PRRC2C: variants seen among roughly 807,000 people sequenced by gnomAD.
PRRC2C encodes proline rich coiled-coil 2C.
PRRC2C carries 72 observed loss-of-function variants against 317.2 expected under a neutral mutation model. That is an observed-to-expected ratio of 0.23 (90% CI 0.19 to 0.28). The LOEUF is 0.28. PRRC2C is among the 10% of genes least tolerant of loss of function. The pLI, the probability that PRRC2C is intolerant of heterozygous loss-of-function variation, is 1.00. For synonymous variants in PRRC2C, 1,296 were observed against 1,205.9 expected (o/e 1.07, Z -1.55); for missense variants, 3,074 against 3,459.7 (o/e 0.89, Z 2.80).
In PRRC2C at chr1:171,541,108, G is replaced by T. The variant is rs1677862413; in HGVS notation, c.3642G>T (p.Arg1214Ser). The T allele has an allele frequency of 1.9e-6, 3 of 1,613,784 alleles. No individual in the cohort carries two copies. Among genetic ancestry groups the T allele is most frequent in the Non-Finnish European group, 2.5e-6 (3 of 1,179,856 alleles). Reference sequence around the variant, plus strand: ...ATGGAGGGCGTGGCAGGGGTGGTAGGGGACACACTCGAGATTATCCTCAGT... The same window carrying T: ...ATGGAGGGCGTGGCAGGGGTGGTAGTGGACACACTCGAGATTATCCTCAGT... ...GSYGGRGRGG[R>S]GHTRDYPQYR... Residue 1214 changes from arginine to serine, a missense_variant, in exon 16 of 35, where the codon AGG becomes AGT. Arg to Ser is a moderately radical substitution (Grantham distance 110). Around this residue, in one of 11 missense-constraint regions of PRRC2C, gnomAD observed 1,320 missense variants for 1,395.7 expected, o/e 0.95. Transcript: ENST00000647382. The surrounding 1 kb of genome is among the most constrained non-coding windows in gnomAD (Gnocchi z 4.1).
intron 25 of PRRC2C, 111 bp downstream of exon 25, chr1:171,575,239 C>T (rs1343252021): frequency 9.4e-7 from 1 of 1,062,944 alleles, no homozygotes; most frequent in South Asian, 1.7e-5. Context: ...ATTCAATCTT[C>T]CCACCTCAGC....
At chr1:171,545,017 A>G (rs534905943) in intron 16 of PRRC2C, among the ~76,000 whole-genome samples, 1 of 152,354 alleles carries the variant, frequency 6.6e-6, no homozygotes, top group African/African-American at 2.4e-5. Context: ...AAATAATTAT[A>G]TCAATGTGTA....
intron 18 of PRRC2C, among the ~76,000 whole-genome samples, chr1:171,556,346 G>A (rs1681400973): frequency 6.6e-6 from 1 of 152,202 alleles, no homozygotes; most frequent in African/African-American, 2.4e-5. Context: ...CCCTTGGCTA[G>A]GAAAGAGAAA....
At chr1:171,517,868 C>T (rs1232101317) in intron 6 of PRRC2C, 54 bp downstream of exon 6, 2 of 1,488,840 alleles carry the variant, frequency 1.3e-6, no homozygotes, top group Admixed American at 1.9e-5. Flanking sequence ...GATCTGGGGT[C>T]CAAGGAGCGA....
chr1:171,580,002 A>C, intron 28 of PRRC2C, 38 bp downstream of exon 28: 1 of 1,434,318 alleles, frequency 7.0e-7, no homozygotes, highest in South Asian at 1.7e-5. Flanking sequence ...ATGATGTTGA[A>C]AACATTGTAA....
At chr1:171,508,182 G>C (rs1401739819) in intron 1 of PRRC2C, among the ~76,000 whole-genome samples, 1 of 152,078 alleles carries the variant, frequency 6.6e-6, no homozygotes, top group Non-Finnish European at 1.5e-5. Context: ...GCACTGTGTT[G>C]AATAGAAATG....
chr1:171,486,066 C>G (rs1665997912), intron 1 of PRRC2C, among the ~76,000 whole-genome samples: 1 of 147,584 alleles, frequency 6.8e-6, no homozygotes, highest in African/African-American at 2.5e-5. Context: ...GCCGGGTAAG[C>G]GAAGGGGGTT....
Position 171,522,190 on chromosome 1 carries a change from A to C in PRRC2C, c.764A>C (p.Tyr255Ser). 6.3e-7 allele frequency: 1 copy of C among 1,583,968 alleles called. No homozygotes were observed. Among genetic ancestry groups the C allele is most frequent in the Non-Finnish European group, 8.6e-7 (1 of 1,158,226 alleles). ...TCCTTCATTCAGATGTTCCAACAGTATCCGAGGATGACATATCCTCCTCTA... is the reference window on the plus strand; with the variant it reads ...TCCTTCATTCAGATGTTCCAACAGTCTCCGAGGATGACATATCCTCCTCTA... ...AMMPPYMFQQ[Y>S]PRMTYPPLHG... The change falls in exon 7 of 35, where the codon TAT becomes TCT. Residue 255 changes from tyrosine to serine, a missense_variant. By Grantham distance (144) the Tyr-to-Ser change is moderately radical. Around this residue, in one of 11 missense-constraint regions of PRRC2C, gnomAD observed 237 missense variants for 199.5 expected, o/e 1.19. Transcript: ENST00000647382.
intron 18 of PRRC2C, 101 bp from the exon 19 acceptor site, chr1:171,557,139 A>G: frequency 1.4e-6 from 2 of 1,448,148 alleles, no homozygotes; most frequent in Non-Finnish European, 1.8e-6. Flanking sequence ...TATTTTGAAA[A>G]GTAAAGGAGC....
chr1:171,497,286 T>C (rs1284675605), intron 1 of PRRC2C, among the ~76,000 whole-genome samples: 1 of 152,204 alleles, frequency 6.6e-6, no homozygotes, highest in African/African-American at 2.4e-5. Context: ...ATTTTTTAAA[T>C]AATGAGATTA....
chr1:171,504,265 A>AT (rs890648142), intron 1 of PRRC2C, among the ~76,000 whole-genome samples: 1 of 152,168 alleles, frequency 6.6e-6, no homozygotes, highest in African/African-American at 2.4e-5. Context: ...AGTTCTCAAC[A>AT]TTATCTTTCA....
intron 12 of PRRC2C, 121 bp from the exon 13 acceptor site, chr1:171,535,307 T>C: frequency 1.3e-6 from 1 of 789,590 alleles, no homozygotes; most frequent in Non-Finnish European, 1.9e-6. Flanking sequence ...AATAATGTTT[T>C]AGAGTGTCGA....
chr1:171,529,040 T>G (rs1267347918), intron 11 of PRRC2C, among the ~76,000 whole-genome samples: 5 of 152,154 alleles, frequency 3.3e-5, no homozygotes, highest in Non-Finnish European at 7.4e-5. Flanking sequence ...AGATACCACC[T>G]TGACCTACCA....
chr1:171,514,258 G>A (rs1671911381), intron 3 of PRRC2C, among the ~76,000 whole-genome samples: 3 of 116,130 alleles, frequency 2.6e-5, no homozygotes, highest in Admixed American at 8.3e-5. Flanking sequence ...AAAAGTGTGT[G>A]TGTATGTGTG....
Position 171,523,224 on chromosome 1 carries a change from C to T in PRRC2C, c.837C>T (p.Gly279=). ...TCCATGACCTGCCTTTCATTAGAGG[C>T]CTTCGAGGAAGAGGCCCACCTCCTT... is the stretch of plus-strand genomic sequence containing the variant. The part of the protein sequence containing the change: ...FPPSLSETNK[G]LRGRGPPPSW... Residue 279 remains glycine (G), a synonymous_variant, in exon 8 of 35, where the codon GGC becomes GGT. Coordinates refer to ENST00000647382, the MANE Select transcript of PRRC2C (RefSeq NM_001387844.1). 1 of 1,609,116 alleles carries T rather than the reference C, an allele frequency of 6.2e-7. No individual in the cohort carries two copies. The highest frequency in any genetic ancestry group is 2.2e-5 in the East Asian group (1 of 44,828).
Position 171,557,256 on chromosome 1 carries a change from A to G in PRRC2C, c.5144A>G (p.Asn1715Ser). 1.9e-6 allele frequency: 3 copies of G among 1,547,134 alleles called. No individual in the cohort carries two copies. In the African/African-American group the frequency reaches 4.1e-5, roughly 21 times the overall value. The change falls in exon 19 of 35, where the codon AAT becomes AGT. Residue 1715 changes from asparagine (N) to serine (S), a missense_variant. Transcript: ENST00000647382. The stretch of plus-strand genomic sequence containing the variant: ...TTTTTTAAGGTCTGGAACAAAAAGA[A>G]TGCAAATGAAAAAGGAAGAAGCCAG... ...EQVIQVWNKK[N>S]ANEKGRSQTS...
chr1:171,584,483 C>G lies in PRRC2C; in HGVS notation c.7706C>G (p.Thr2569Arg), dbSNP rs775171604. Residue 2569 changes from threonine to arginine, a missense_variant, in exon 30 of 35, where the codon ACA becomes AGA. By Grantham distance (71) the Thr-to-Arg change is moderately conservative (BLOSUM62 -1). Transcript: ENST00000647382. The stretch of plus-strand genomic sequence containing the variant: ...GGACAAGTACAACAGCCTGGTCAGA[C>G]AAATTTTTATAACACTGCCCAGTCA... ...YSGQVQQPGQ[T>R]NFYNTAQSPS... The G allele has an allele frequency of 1.9e-6, 3 of 1,595,404 alleles. No homozygotes were observed. The highest frequency in any genetic ancestry group is 2.6e-6 in the Non-Finnish European group (3 of 1,170,274).
intron 33 of PRRC2C, among the ~76,000 whole-genome samples, chr1:171,588,856 A>G (rs1162743956): frequency 6.6e-6 from 1 of 152,180 alleles, no homozygotes; most frequent in African/African-American, 2.4e-5. Flanking sequence ...TTGTTAAGAT[A>G]TTTATGTGCA....
intron 17 of PRRC2C, among the ~76,000 whole-genome samples, chr1:171,548,124 C>G (rs1280014804): frequency 6.6e-6 from 1 of 151,978 alleles, no homozygotes; most frequent in Admixed American, 6.6e-5. Context: ...CACCACTATT[C>G]CCAGCTAATT....
Sources: allele counts gnomAD v4.1 joint callset (sites outside exome capture counted in the v4.1 genomes callset), GRCh38; gene constraint gnomAD v4.1.1; regional missense constraint gnomAD v4.1.1; non-coding constraint Gnocchi (gnomAD v3.1); transcripts MANE v1.5; gene names NCBI Gene and HGNC (gene_info 2026-07-23, HGNC 2026-07-21).